QTMAN: variants seen among roughly 807,000 people sequenced by gnomAD.
QTMAN encodes the protein tRNA-queuosine alpha-mannosyltransferase.
chr2:143,991,625 C>T, the QTMAN span, among the ~76,000 whole-genome samples: 4 of 139,404 alleles, frequency 2.9e-5, no homozygotes, highest in Non-Finnish European at 3.1e-5. Context: ...TCTGCCCGGC[C>T]GCCCCTACTG....
chr2:143,957,010 T>C, the QTMAN span, among the ~76,000 whole-genome samples: 3 of 152,248 alleles, frequency 2.0e-5, no homozygotes, highest in South Asian at 6.2e-4. Flanking sequence ...GGGGGAAAAA[T>C]GAAACAAGTT....
chr2:144,231,249 A>G, the QTMAN span, among the ~76,000 whole-genome samples: 2 of 152,150 alleles, frequency 1.3e-5, no homozygotes, highest in Admixed American at 6.6e-5. Context: ...TACATTACCA[A>G]TATTTGATAT....
At chr2:144,310,833 T>A in the QTMAN span, among the ~76,000 whole-genome samples, 1 of 152,244 alleles carries the variant, frequency 6.6e-6, no homozygotes, top group Non-Finnish European at 1.5e-5. Flanking sequence ...TGAAGATTTA[T>A]ATTCCTTTAA....
chr2:144,134,569 G>T, the QTMAN span, among the ~76,000 whole-genome samples: 2 of 152,040 alleles, frequency 1.3e-5, no homozygotes, highest in Non-Finnish European at 2.9e-5. Context: ...ACCCACTGTT[G>T]TTTACTCTGT....
the QTMAN span, among the ~76,000 whole-genome samples, chr2:144,016,457 T>C: frequency 2.0e-5 from 3 of 152,178 alleles, no homozygotes; most frequent in Non-Finnish European, 4.4e-5. Context: ...AGTTATCTCT[T>C]CCAAGCAAGA....
At chr2:144,274,191 G>A in the QTMAN span, among the ~76,000 whole-genome samples, 1 of 152,106 alleles carries the variant, frequency 6.6e-6, no homozygotes, top group South Asian at 2.1e-4. Context: ...AGAGCTCCTA[G>A]AGCCCTTGTG....
At chr2:143,967,127 G>T in the QTMAN span, among the ~76,000 whole-genome samples, 1 of 152,138 alleles carries the variant, frequency 6.6e-6, no homozygotes, top group African/African-American at 2.4e-5. Flanking sequence ...TATAAAATGG[G>T]ATAGGGTAAT....
chr2:143,959,570 A>C, the QTMAN span, among the ~76,000 whole-genome samples: 1 of 152,148 alleles, frequency 6.6e-6, no homozygotes, highest in Admixed American at 6.6e-5. Flanking sequence ...TTCAATAAAC[A>C]GCAATTTTAT....
chr2:144,069,962 C>G, the QTMAN span, among the ~76,000 whole-genome samples: 1 of 151,978 alleles, frequency 6.6e-6, no homozygotes, highest in Non-Finnish European at 1.5e-5. Flanking sequence ...ATTTTTAACG[C>G]TATACATTAA....
the QTMAN span, among the ~76,000 whole-genome samples, chr2:144,104,692 C>G: frequency 2.0e-5 from 3 of 152,192 alleles, no homozygotes; most frequent in African/African-American, 7.2e-5. Flanking sequence ...CAGGGCATAG[C>G]CAAACAAAAG....
chr2:144,287,887 G>A, the QTMAN span, among the ~76,000 whole-genome samples: 9 of 151,552 alleles, frequency 5.9e-5, no homozygotes, highest in African/African-American at 1.9e-4. Context: ...ATGGAGTCTC[G>A]CTCTGTCGCC....
chr2:144,000,324 A>C, the QTMAN span, among the ~76,000 whole-genome samples: 4 of 152,036 alleles, frequency 2.6e-5, no homozygotes, highest in Non-Finnish European at 5.9e-5. Context: ...TGTTTTTTAA[A>C]TGTCAGAATT....
the QTMAN span, among the ~76,000 whole-genome samples, chr2:144,081,093 T>C: frequency 6.6e-6 from 1 of 152,304 alleles, no homozygotes; most frequent in East Asian, 1.9e-4. Context: ...TTGCCAATTA[T>C]GTTTAATATT....
chr2:144,225,141 C>T, the QTMAN span, among the ~76,000 whole-genome samples: 52 of 152,234 alleles, frequency 3.4e-4, no homozygotes, highest in African/African-American at 1.2e-3. Context: ...CCACAGACCA[C>T]CAAAATGGTA....
At chr2:144,169,750 A>G in the QTMAN span, among the ~76,000 whole-genome samples, 1 of 152,092 alleles carries the variant, frequency 6.6e-6, no homozygotes, top group South Asian at 2.1e-4. Flanking sequence ...ATGTATCCTT[A>G]TATTACTGTC....
At chr2:144,230,920 AC>A in the QTMAN span, among the ~76,000 whole-genome samples, 2 of 152,210 alleles carry the variant, frequency 1.3e-5, no homozygotes, top group Admixed American at 6.5e-5. Context: ...CAATCTACTT[AC>A]ACTATCAGCA....
chr2:144,023,399 T>A, the QTMAN span, among the ~76,000 whole-genome samples: 1 of 152,230 alleles, frequency 6.6e-6, no homozygotes, highest in Non-Finnish European at 1.5e-5. Flanking sequence ...AGAGTGCCCA[T>A]GCAAACTCAA....
the QTMAN span, among the ~76,000 whole-genome samples, chr2:144,048,504 A>C: frequency 3.3e-5 from 5 of 152,192 alleles, no homozygotes; most frequent in African/African-American, 1.2e-4. Context: ...GATTAAAACA[A>C]TAATTACACA....
the QTMAN span, among the ~76,000 whole-genome samples, chr2:144,133,129 AT>A: frequency 9.2e-5 from 4 of 43,690 alleles, no homozygotes; most frequent in Non-Finnish European, 1.5e-4. Context: ...ATATATATAT[AT>A]ATATATATAT....
Sources: gnomAD v4.1 joint callset for allele counts (sites outside exome capture counted in the v4.1 genomes callset) on GRCh38, gnomAD v4.1.1 for gene constraint, MANE v1.5 for transcripts, NCBI Gene and HGNC (gene_info 2026-07-23, HGNC 2026-07-21) for gene names.